The following PHACTR2 variants were observed in gnomAD, a reference collection of about 807,000 sequenced individuals.
The protein encoded by PHACTR2 is chromosome 6 open reading frame 56.
In PHACTR2, 30 loss-of-function variants were observed where a neutral mutation model predicts 76.0. The observed-to-expected ratio is 0.39, with a 90% confidence interval of 0.30 to 0.54. PHACTR2 has a LOEUF of 0.54. Among genes scored for constraint, PHACTR2 ranks in the 20% least tolerant of loss-of-function variants. PHACTR2 has a pLI of 0.61. For missense variants in PHACTR2, 696 were observed against 781.1 expected (o/e 0.89, Z 1.30); for synonymous variants, 292 against 292.5 (o/e 1.00, Z 0.02).
At position 143,794,780 on chromosome 6, in the gene PHACTR2, C is replaced by T. The variant is rs559737216; in HGVS notation, c.1845+5870C>T. On this transcript the variant is annotated intron_variant, in intron 11 of 12. Coordinates refer to ENST00000440869, the MANE Select transcript of PHACTR2 (RefSeq NM_001100164.2). The surrounding 1 kb of genome is among the most constrained non-coding windows in gnomAD (Gnocchi z 4.1). The stretch of plus-strand genomic sequence containing the variant: ...CCGCACTCCAGCCTGGGTGACAAAG[C>T]GAGACTCCATCTCAAAAACTGAACC... 2.0e-4 allele frequency among the ~76,000 whole-genome samples: 30 copies of T among 152,174 alleles called. No homozygotes were observed. Among genetic ancestry groups the T allele is most frequent in the Non-Finnish European group, 4.1e-4 (28 of 67,978 alleles).
In PHACTR2 at chr6:143,698,249, C is replaced by T. The variant is rs1231785404; in HGVS notation, c.47-13767C>T. Among the ~76,000 whole-genome samples the T allele has an allele frequency of 1.3e-5, 2 of 152,210 alleles. No individual in the cohort carries two copies. The highest frequency in any genetic ancestry group is 4.8e-5 in the African/African-American group (2 of 41,450). ...CTCATTCTCTGGAATGCTTGCTTAACACACCTGTCATTTTAAAGAAAGAAA... is the reference window on the plus strand; with the variant it reads ...CTCATTCTCTGGAATGCTTGCTTAATACACCTGTCATTTTAAAGAAAGAAA... On this transcript the variant is annotated intron_variant, in intron 1 of 12. Transcript: ENST00000440869. The surrounding 1 kb of genome is among the most constrained non-coding windows in gnomAD (Gnocchi z 4.3).
rs1196918187 is a variant in PHACTR2, at chr6:143,820,083, T to TC, written c.1923-3590dup. ...TAAACCAGACCTCGTGAGAAGTCACTCACCATCACAAAGACAGTACCAAGC... is the reference window on the plus strand; with the variant it reads ...TAAACCAGACCTCGTGAGAAGTCACTCCACCATCACAAAGACAGTACCAAGC... On this transcript the variant is annotated intron_variant, in intron 12 of 12. Coordinates refer to ENST00000440869, the MANE Select transcript of PHACTR2 (RefSeq NM_001100164.2). This position sits in a 1 kb window ranked among gnomAD's most constrained non-coding sequence, Gnocchi z 4.2. Among the ~76,000 whole-genome samples, 1 of 152,010 alleles carries TC rather than the reference T, an allele frequency of 6.6e-6. No homozygotes were observed. Among genetic ancestry groups the TC allele is most frequent in the East Asian group, 1.9e-4 (1 of 5,172 alleles).
In PHACTR2 at chr6:143,536,947, G is replaced by C. The variant is rs1044316585; in HGVS notation, c.-44G>C. 6 of 153,326 alleles carry C rather than the reference G, an allele frequency of 3.9e-5. No individual in the cohort carries two copies. The highest frequency in any genetic ancestry group is 1.5e-4 in the African/African-American group (6 of 41,194). 9.5% of individuals were successfully genotyped at this position (153,326 alleles called of 1,614,324 possible). ...GGCAGCAGCGGGCAGCGCAGCCCTC[G>C]GCGCCGGCCCCACCCGGTGCTCCGG... is the stretch of plus-strand genomic sequence containing the variant. On this transcript the variant is annotated 5_prime_UTR_variant, in exon 1 of 12. Transcript: ENST00000367584. This position sits in a 1 kb window ranked among gnomAD's most constrained non-coding sequence, Gnocchi z 5.4.
rs1252823628 is a variant in PHACTR2, at chr6:143,750,216, A to C, written c.295+1151A>C. Among the ~76,000 whole-genome samples the C allele has an allele frequency of 3.3e-5, 5 of 152,174 alleles. No individual in the cohort carries two copies. Among genetic ancestry groups the C allele is most frequent in the Non-Finnish European group, 7.4e-5 (5 of 68,014 alleles). ...CTCGCAATTTTAGGTATTTTACTTC[A>C]ATTTCTGACCTGTCAAACTTTTCTT... On this transcript the variant is annotated intron_variant, in intron 3 of 12. Coordinates refer to ENST00000440869, the MANE Select transcript of PHACTR2 (RefSeq NM_001100164.2). The surrounding 1 kb of genome is among the most constrained non-coding windows in gnomAD (Gnocchi z 4.6).
chr6:143,722,263 A>C lies in PHACTR2; in HGVS notation c.214+10080A>C, dbSNP rs1273480626. 6.6e-6 allele frequency among the ~76,000 whole-genome samples: 1 copy of C among 152,050 alleles called. No individual in the cohort carries two copies. Among genetic ancestry groups the C allele is most frequent in the African/African-American group, 2.4e-5 (1 of 41,420 alleles). ...TACCCTCATGTGGATATATGTACATATCATATCCACATTTCTTGGATGCTA... is the reference window on the plus strand; with the variant it reads ...TACCCTCATGTGGATATATGTACATCTCATATCCACATTTCTTGGATGCTA... On this transcript the variant is annotated intron_variant, in intron 2 of 12. Transcript: ENST00000440869. The surrounding 1 kb of genome is among the most constrained non-coding windows in gnomAD (Gnocchi z 4.1).
rs1291822692 is a variant in PHACTR2 at position 143,654,878 on chromosome 6, C to T, written c.13+46556C>T. Among the ~76,000 whole-genome samples the T allele has an allele frequency of 1.3e-5, 2 of 152,234 alleles. No individual in the cohort carries two copies. The highest frequency in any genetic ancestry group is 3.9e-4 in the East Asian group (2 of 5,170). On this transcript the variant is annotated intron_variant, in intron 1 of 11. Coordinates refer to the PHACTR2 transcript ENST00000305766. This position sits in a 1 kb window ranked among gnomAD's most constrained non-coding sequence, Gnocchi z 4.6. ...ACGACTCTTAAAAACATCATGCTAGCCGGGCACTGTGGCTCACGCCTGTAA... is the reference window on the plus strand; with the variant it reads ...ACGACTCTTAAAAACATCATGCTAGTCGGGCACTGTGGCTCACGCCTGTAA...
At chr6:143,763,149 A>G (rs1274427236) in intron 5 of PHACTR2, among the ~76,000 whole-genome samples, 1 of 152,158 alleles carries the variant, frequency 6.6e-6, no homozygotes, top group Non-Finnish European at 1.5e-5. Flanking sequence ...ACCTGAGGTC[A>G]AGAGTTCGAG....
chr6:143,565,387 G>A (rs1438801388), intron 1 of PHACTR2, among the ~76,000 whole-genome samples: 6 of 152,164 alleles, frequency 3.9e-5, no homozygotes, highest in Non-Finnish European at 8.8e-5. Context: ...GGGAGTCCAA[G>A]GTGGGCGGAT....
rs1776512297 is a variant in PHACTR2 at position 143,825,414 on chromosome 6, G to C, written c.*1725G>C. On this transcript the variant is annotated 3_prime_UTR_variant, in exon 13 of 13. Coordinates refer to ENST00000440869, the MANE Select transcript of PHACTR2 (RefSeq NM_001100164.2). The surrounding 1 kb of genome is among the most constrained non-coding windows in gnomAD (Gnocchi z 4.1). ...AAAAGCCAGGACCATGTTAGAATTA[G>C]GAAAAGTAACCAGCATTACTGCACC... 1 of 152,154 alleles carries C rather than the reference G, an allele frequency of 6.6e-6. No individual in the cohort carries two copies. Among genetic ancestry groups the C allele is most frequent in the Non-Finnish European group, 1.5e-5 (1 of 68,012 alleles). The allele number at this position is 152,154 out of a possible 1,614,324, so 9.4% of individuals were successfully genotyped here.
Position 143,678,060 on chromosome 6 carries a change from A to T in PHACTR2, c.-104A>T. 1 of 1,535,776 alleles carries T rather than the reference A, an allele frequency of 6.5e-7. No homozygotes were observed. Among genetic ancestry groups the T allele is most frequent in the South Asian group, 1.2e-5 (1 of 83,400 alleles). On this transcript the variant is annotated 5_prime_UTR_variant, in exon 1 of 13. Coordinates refer to ENST00000440869, the MANE Select transcript of PHACTR2 (RefSeq NM_001100164.2). This position sits in a 1 kb window ranked among gnomAD's most constrained non-coding sequence, Gnocchi z 6.2. Reference sequence around the variant, plus strand: ...GAGGGGACCCGGCGGGCCGCTCGGCACAGGCCGGGACATGAACGCCTGGAA... The same window carrying T: ...GAGGGGACCCGGCGGGCCGCTCGGCTCAGGCCGGGACATGAACGCCTGGAA...
At chr6:143,563,886 C>T (rs2128430179) in intron 1 of PHACTR2, among the ~76,000 whole-genome samples, 1 of 151,606 alleles carries the variant, frequency 6.6e-6, no homozygotes, top group Middle Eastern at 3.4e-3. Flanking sequence ...CACCTGTGGT[C>T]CCAGCTATTT....
At chr6:143,651,964 T>A (rs78546121) in intron 1 of PHACTR2, among the ~76,000 whole-genome samples, 3,681 of 151,492 alleles carry the variant, frequency 0.024, 144 homozygotes, top group African/African-American at 0.081. Flanking sequence ...GGCAGCCACC[T>A]ACAAACCCAG....
chr6:143,695,997 T>C lies in PHACTR2; in HGVS notation c.47-16019T>C, dbSNP rs1362428170. Among the ~76,000 whole-genome samples the C allele has an allele frequency of 2.6e-5, 4 of 152,258 alleles. No individual in the cohort carries two copies. Among genetic ancestry groups the C allele is most frequent in the Non-Finnish European group, 5.9e-5 (4 of 68,050 alleles). ...TATTAATCAAGTAAGCAACTGGCCT[T>C]TTCTATAAAATAGTTTTATGTTTGT... is the stretch of plus-strand genomic sequence containing the variant. On this transcript the variant is annotated intron_variant, in intron 1 of 12. Transcript: ENST00000440869. This position sits in a 1 kb window ranked among gnomAD's most constrained non-coding sequence, Gnocchi z 4.4.
chr6:143,675,345 C>T (rs562512511), upstream of PHACTR2, among the ~76,000 whole-genome samples: 6 of 152,078 alleles, frequency 3.9e-5, no homozygotes, highest in East Asian at 1.9e-4. This position sits in a 1 kb window ranked among gnomAD's most constrained non-coding sequence, Gnocchi z 4.9. Flanking sequence ...TGATATGATG[C>T]GGCATTATTA....
intron 2 of PHACTR2, 110 bp from the exon 3 acceptor site, chr6:143,748,875 T>G: frequency 3.4e-6 from 2 of 588,194 alleles, no homozygotes; most frequent in East Asian, 3.1e-5. Flanking sequence ...AGAAAACGAG[T>G]TTGAGCCCTC....
At chr6:143,590,487 C>T (rs954453685) in intron 1 of PHACTR2, among the ~76,000 whole-genome samples, 15 of 151,828 alleles carry the variant, frequency 9.9e-5, no homozygotes, top group Non-Finnish European at 1.6e-4. Flanking sequence ...TCACCTCCTC[C>T]ATGCTGTTTA....
chr6:143,733,462 C>T lies in PHACTR2; in HGVS notation c.215-15523C>T, dbSNP rs1166899719. On this transcript the variant is annotated intron_variant, in intron 2 of 12. Coordinates refer to ENST00000440869, the MANE Select transcript of PHACTR2 (RefSeq NM_001100164.2). The surrounding 1 kb of genome is among the most constrained non-coding windows in gnomAD (Gnocchi z 4.0). ...TGGCTCTTGATGGACCTTATCCCAT[C>T]CTATATATGGAGCATTTGCAAGTGA... is the stretch of plus-strand genomic sequence containing the variant. 1.3e-5 allele frequency among the ~76,000 whole-genome samples: 2 copies of T among 152,038 alleles called. No homozygotes were observed. The highest frequency in any genetic ancestry group is 2.9e-5 in the Non-Finnish European group (2 of 68,014).
At chr6:143,687,464 G>A (rs1777550348) in intron 1 of PHACTR2, among the ~76,000 whole-genome samples, 1 of 152,136 alleles carries the variant, frequency 6.6e-6, no homozygotes, top group Admixed American at 6.5e-5. Flanking sequence ...TTAATATTTA[G>A]TGAAGACTCA....
chr6:143,602,794 A>G lies in PHACTR2; in HGVS notation c.217+65587A>G, dbSNP rs1027195517. Among the ~76,000 whole-genome samples the G allele has an allele frequency of 6.6e-6, 1 of 152,206 alleles. No homozygotes were observed. The highest frequency in any genetic ancestry group is 1.5e-5 in the Non-Finnish European group (1 of 68,030). ...ATGTTGCCTTATGTAAGGTCCAGAC[A>G]CCAGGCAATCTGGATGTGCAGAAAA... On this transcript the variant is annotated intron_variant, in intron 1 of 11. Transcript: ENST00000367584. The surrounding 1 kb of genome is among the most constrained non-coding windows in gnomAD (Gnocchi z 6.1).
Sources: gnomAD v4.1 joint callset for allele counts (sites outside exome capture counted in the v4.1 genomes callset) on GRCh38, gnomAD v4.1.1 for gene constraint, Gnocchi (gnomAD v3.1) non-coding constraint, MANE v1.5 for transcripts, NCBI Gene and HGNC (gene_info 2026-07-23, HGNC 2026-07-21) for gene names.